Variants in RAPGEF2 observed in about 807,000 individuals in gnomAD.
The protein encoded by RAPGEF2 is Rap guanine nucleotide exchange factor 2, also known as PDZ domain containing guanine nucleotide exchange factor (GEF) 1.
RAPGEF2 carries 54 observed loss-of-function variants against 186.7 expected under a neutral mutation model. That is an observed-to-expected ratio of 0.29 (90% CI 0.23 to 0.36). The LOEUF (loss-of-function observed/expected upper bound fraction) is 0.36, where lower values mean the gene tolerates loss of function less well. Ranked by LOEUF, RAPGEF2 falls within the 10% of genes least tolerant of loss-of-function variation. The pLI, the probability that RAPGEF2 is intolerant of heterozygous loss-of-function variation, is 1.00. For synonymous variants in RAPGEF2, 712 were observed against 705.9 expected (o/e 1.01, Z -0.14); for missense variants, 1,532 against 2,045.0 (o/e 0.75, Z 4.84).
Position 159,205,135 on chromosome 4 carries a change from T to C in RAPGEF2, c.198-5365T>C, listed in dbSNP as rs78374211. Among the ~76,000 whole-genome samples the C allele has an allele frequency of 2.3e-3, 343 of 152,334 alleles. 5 individuals carry two copies. In the East Asian group the frequency reaches 0.052, roughly 23 times the overall value. On this transcript the variant is annotated intron_variant, in intron 3 of 29. Transcript: ENST00000691494. ...ATTTGTTCCTCTTGGGAGTTCATAT[T>C]GAGACCATTTTTTCTGAAAGTTTTT...
chr4:159,131,519 A>ATTGTTTTTTTTTTT, intron 1 of RAPGEF2, among the ~76,000 whole-genome samples: 22 of 37,184 alleles, frequency 5.9e-4, no homozygotes, highest in Middle Eastern at 0.026. Flanking sequence ...ATTAATTGCT[A>ATTGTTTTTTTTTTT]TTTTTTTTTT....
chr4:159,256,051 A>G (rs1193074762), intron 7 of RAPGEF2, among the ~76,000 whole-genome samples: 1 of 152,130 alleles, frequency 6.6e-6, no homozygotes, highest in Non-Finnish European at 1.5e-5. Flanking sequence ...TCTGAAATTC[A>G]TCTCTGATCT....
chr4:159,354,027 T>G lies in RAPGEF2; in HGVS notation c.4632T>G (p.Ser1544Arg). The G allele has an allele frequency of 6.3e-7, 1 of 1,597,398 alleles. No homozygotes were observed. Among genetic ancestry groups the G allele is most frequent in the Non-Finnish European group, 8.5e-7 (1 of 1,173,732 alleles). ...PMPAHIAVASSTTKGLIARKE... is the reference protein window; with the variant it reads ...PMPAHIAVASRTTKGLIARKE... ...CTGCCCACATAGCTGTGGCATCAAGTACTACAAAGGGGCTCATTGGTAAGT... is the reference window on the plus strand; with the variant it reads ...CTGCCCACATAGCTGTGGCATCAAGGACTACAAAGGGGCTCATTGGTAAGT... The change falls in exon 28 of 30, where the codon AGT becomes AGG. Residue 1544 changes from serine to arginine, a missense_variant. By Grantham distance (110) the Ser-to-Arg change is moderately radical. This residue lies in a region of RAPGEF2 where 594 missense variants were observed against 608.5 expected (regional missense o/e 0.98). Transcript: ENST00000691494.
intron 7 of RAPGEF2, among the ~76,000 whole-genome samples, chr4:159,255,108 G>T (rs1755994145): frequency 6.6e-6 from 1 of 152,140 alleles, no homozygotes; most frequent in Non-Finnish European, 1.5e-5. Context: ...TTGTCACCTA[G>T]GAGCAATAGG....
intron 4 of RAPGEF2, among the ~76,000 whole-genome samples, chr4:159,220,031 C>G (rs1751386403): frequency 1.3e-5 from 2 of 152,174 alleles, no homozygotes; most frequent in African/African-American, 4.8e-5. Flanking sequence ...CAGGGACATT[C>G]AGTAATGAGA....
intron 3 of RAPGEF2, among the ~76,000 whole-genome samples, chr4:159,202,924 G>C (rs1749601999): frequency 6.6e-6 from 1 of 152,200 alleles, no homozygotes; most frequent in Non-Finnish European, 1.5e-5. Context: ...CTTTTTGGCT[G>C]ACTGGGCCTC....
intron 3 of RAPGEF2, among the ~76,000 whole-genome samples, chr4:159,195,875 GTTTTTTTTTTTTTTTT>G (rs34827512): frequency 9.6e-5 from 9 of 94,208 alleles, no homozygotes; most frequent in African/African-American, 2.0e-4. Flanking sequence ...AAACATACCT[GTTTTTTTTTTTTTTTT>G]TTTTTTTTTT....
At chr4:159,316,508 C>G (rs1764625805) in intron 9 of RAPGEF2, among the ~76,000 whole-genome samples, 1 of 152,042 alleles carries the variant, frequency 6.6e-6, no homozygotes, top group South Asian at 2.1e-4. Flanking sequence ...GTGTTGTTCC[C>G]CTCTGTGTGT....
At chr4:159,265,521 C>T (rs1215123260) in intron 7 of RAPGEF2, among the ~76,000 whole-genome samples, 1 of 152,132 alleles carries the variant, frequency 6.6e-6, no homozygotes, top group Non-Finnish European at 1.5e-5. Context: ...CTTGGGAGTG[C>T]AGAGAGTGAC....
At chr4:159,120,488 C>G (rs1739553590) in intron 1 of RAPGEF2, among the ~76,000 whole-genome samples, 1 of 152,170 alleles carries the variant, frequency 6.6e-6, no homozygotes, top group South Asian at 2.1e-4. Flanking sequence ...ACTAAAACTT[C>G]TAAGAATGCA....
At chr4:159,261,005 T>C (rs2110741835) in intron 7 of RAPGEF2, among the ~76,000 whole-genome samples, 1 of 152,296 alleles carries the variant, frequency 6.6e-6, no homozygotes, top group South Asian at 2.1e-4. Context: ...CCGCCTCGCC[T>C]TGGCCTCCCA....
intron 4 of RAPGEF2, among the ~76,000 whole-genome samples, chr4:159,234,610 C>T (rs1009628757): frequency 4.9e-5 from 7 of 142,352 alleles, no homozygotes; most frequent in African/African-American, 8.0e-5. Context: ...GGCTGGAATG[C>T]AGTGGTGTGA....
chr4:159,228,723 C>T (rs7668932), intron 4 of RAPGEF2, among the ~76,000 whole-genome samples: 38,584 of 152,018 alleles, frequency 0.25, 5,516 homozygotes, highest in African/African-American at 0.38. Context: ...TTTACACACA[C>T]ACATGTAAAT....
intron 7 of RAPGEF2, among the ~76,000 whole-genome samples, chr4:159,254,891 A>G (rs1286492887): frequency 6.6e-6 from 1 of 152,230 alleles, no homozygotes; most frequent in East Asian, 1.9e-4. Flanking sequence ...GTGAGCCACC[A>G]TGCCCCACCA....
At chr4:159,177,561 A>T in intron 1 of RAPGEF2, among the ~76,000 whole-genome samples, 1 of 152,182 alleles carries the variant, frequency 6.6e-6, no homozygotes, top group East Asian at 1.9e-4. Flanking sequence ...CTGACTCCAA[A>T]GCTTGTATTC....
chr4:159,104,857 C>T (rs966600714), intron 1 of RAPGEF2, among the ~76,000 whole-genome samples: 2 of 152,154 alleles, frequency 1.3e-5, no homozygotes, highest in African/African-American at 4.8e-5. Context: ...TTAAAGGATA[C>T]TGCTTTCAAT....
chr4:159,198,111 T>C (rs1748869736), intron 3 of RAPGEF2, among the ~76,000 whole-genome samples: 1 of 152,178 alleles, frequency 6.6e-6, no homozygotes, highest in Non-Finnish European at 1.5e-5. Context: ...TATTTTACTT[T>C]ACATCACAGT....
chr4:159,324,363 T>C (rs1377741010), intron 11 of RAPGEF2, among the ~76,000 whole-genome samples: 2 of 152,204 alleles, frequency 1.3e-5, no homozygotes, highest in Admixed American at 6.5e-5. Context: ...TTACTTTTAG[T>C]CTTATAACAC....
intron 4 of RAPGEF2, among the ~76,000 whole-genome samples, chr4:159,211,409 A>G (rs1750515459): frequency 6.6e-6 from 1 of 151,206 alleles, no homozygotes; most frequent in Non-Finnish European, 1.5e-5. Context: ...TAAAATTTTA[A>G]GTATTTTTAT....
Sources: allele counts gnomAD v4.1 joint callset (sites outside exome capture counted in the v4.1 genomes callset), GRCh38; gene constraint gnomAD v4.1.1; regional missense constraint gnomAD v4.1.1; transcripts MANE v1.5; gene names NCBI Gene and HGNC (gene_info 2026-07-23, HGNC 2026-07-21).